The following SORBS2 variants were observed in gnomAD, a reference collection of about 807,000 sequenced individuals.
SORBS2 encodes sorbin and SH3 domain-containing protein 2.
SORBS2 carries 46 observed loss-of-function variants against 97.7 expected under a neutral mutation model. That is an observed-to-expected ratio of 0.47 (90% CI 0.37 to 0.60). SORBS2 has a LOEUF of 0.60. Among genes scored for constraint, SORBS2 ranks in the 20% least tolerant of loss-of-function variants. SORBS2 has a pLI of 0.00. For missense variants in SORBS2, 1,316 were observed against 1,282.3 expected (o/e 1.03, Z -0.40); for synonymous variants, 476 against 473.4 (o/e 1.01, Z -0.07).
chr4:185,848,376 C>T (rs1561231556), intron 1 of SORBS2, among the ~76,000 whole-genome samples: 1 of 152,078 alleles, frequency 6.6e-6, no homozygotes, highest in Non-Finnish European at 1.5e-5. Context: ...TCATGAAATC[C>T]TTTGTGACAC....
chr4:185,756,970 C>A, intron 2 of SORBS2: 1 of 1,455,770 alleles, frequency 6.9e-7, no homozygotes, highest in Non-Finnish European at 9.6e-7. Flanking sequence ...ATTAATTCAC[C>A]CGCTCGCTCC....
intron 2 of SORBS2, among the ~76,000 whole-genome samples, chr4:185,731,864 CTCTATATATATATATATATATA>C (rs1252172402): frequency 0.1 from 2,953 of 28,926 alleles, 67 homozygotes; most frequent in Non-Finnish European, 0.12. Flanking sequence ...CTCTCTCTCT[CTCTATATATATATATATATATA>C]TATATATATA....
rs751726496 is a variant in SORBS2, at chr4:185,684,865, T to C, written c.-197-6043A>G. The C allele has an allele frequency of 1.3e-6, 2 of 1,546,306 alleles. No individual in the cohort carries two copies. The highest frequency in any genetic ancestry group is 1.2e-5 in the South Asian group (1 of 83,904). ...CCGCTATCTGGAAGCAAAAAAATGA[T>C]ATAGCAGAGGCCAAGGCAACGGGAA... On this transcript the variant is annotated intron_variant, in intron 2 of 20. Coordinates refer to the SORBS2 transcript ENST00000284776. The surrounding 1 kb of genome is among the most constrained non-coding windows in gnomAD (Gnocchi z 4.2).
chr4:185,936,175 TG>T (rs1209861049), intron 1 of SORBS2, among the ~76,000 whole-genome samples: 1 of 152,210 alleles, frequency 6.6e-6, no homozygotes, highest in African/African-American at 2.4e-5. Context: ...AAGTTTTCAA[TG>T]AGGAGACACG....
intron 2 of SORBS2, among the ~76,000 whole-genome samples, chr4:185,723,172 C>T (rs2098529329): frequency 6.6e-6 from 1 of 152,066 alleles, no homozygotes; most frequent in Non-Finnish European, 1.5e-5. Context: ...ATCCCACAGC[C>T]ACTAAAAGCA....
At chr4:185,797,112 C>G (rs1584992330) in intron 1 of SORBS2, among the ~76,000 whole-genome samples, 2 of 152,366 alleles carry the variant, frequency 1.3e-5, no homozygotes, top group South Asian at 4.1e-4. Context: ...TTCCCTCACT[C>G]TATGCATCCC....
chr4:185,692,904 C>T (rs77062504), intron 2 of SORBS2, among the ~76,000 whole-genome samples: 8,090 of 152,234 alleles, frequency 0.053, 448 homozygotes, highest in East Asian at 0.22. Context: ...GGTAAAATCA[C>T]AGTACTGATA....
intron 2 of SORBS2, among the ~76,000 whole-genome samples, chr4:185,736,224 G>A (rs753042370): frequency 2.0e-5 from 3 of 152,240 alleles, no homozygotes; most frequent in Non-Finnish European, 2.9e-5. Flanking sequence ...AAACTTTGTG[G>A]TTTTGTCATC....
intron 12 of SORBS2, among the ~76,000 whole-genome samples, chr4:185,599,869 C>G (rs1165499471): frequency 6.6e-6 from 1 of 150,988 alleles, no homozygotes; most frequent in Non-Finnish European, 1.5e-5. Context: ...ACAGCAAAGA[C>G]AACTAAGGAA....
At chr4:185,888,725 A>G (rs1313896256) in intron 1 of SORBS2, among the ~76,000 whole-genome samples, 2 of 152,150 alleles carry the variant, frequency 1.3e-5, no homozygotes, top group Non-Finnish European at 2.9e-5. Context: ...TTAGCTTCAC[A>G]TGGTGTGGCC....
chr4:185,767,215 C>G (rs2098939073), intron 2 of SORBS2, among the ~76,000 whole-genome samples: 1 of 152,044 alleles, frequency 6.6e-6, no homozygotes, highest in Non-Finnish European at 1.5e-5. Flanking sequence ...AATGAAAGAG[C>G]TGGCCGGGCG....
intron 1 of SORBS2, among the ~76,000 whole-genome samples, chr4:185,826,371 A>T (rs962953074): frequency 2.0e-5 from 3 of 152,174 alleles, no homozygotes; most frequent in African/African-American, 7.2e-5. Context: ...CTGGTCTACG[A>T]TCACCACAAA....
intron 4 of SORBS2, among the ~76,000 whole-genome samples, chr4:185,667,357 C>T (rs973336609): frequency 3.3e-5 from 5 of 152,084 alleles, no homozygotes; most frequent in Non-Finnish European, 5.9e-5. Flanking sequence ...ATGTCATGCA[C>T]GTTGTTAGCA....
chr4:185,738,379 T>C (rs1277458790), intron 2 of SORBS2, among the ~76,000 whole-genome samples: 1 of 152,210 alleles, frequency 6.6e-6, no homozygotes, highest in Non-Finnish European at 1.5e-5. Flanking sequence ...GGAAGTGAAG[T>C]GTTGGGATTC....
rs1227154245 is a variant in SORBS2 at position 185,700,163 on chromosome 4, A to G, written c.-197-21341T>C. Among the ~76,000 whole-genome samples, 4 of 152,366 alleles carry G rather than the reference A, an allele frequency of 2.6e-5. No homozygotes were observed. In the South Asian group the frequency reaches 8.3e-4, roughly 32 times the overall value. ...AGAGACTGGCTTTTCAAAAATTTAT[A>G]TGGAATAAGTCTAAGGGCTTTAATG... is the stretch of plus-strand genomic sequence containing the variant. On this transcript the variant is annotated intron_variant, in intron 2 of 20. Coordinates refer to the SORBS2 transcript ENST00000284776.
chr4:185,857,447 C>T (rs1196677280), intron 1 of SORBS2, among the ~76,000 whole-genome samples: 1 of 152,118 alleles, frequency 6.6e-6, no homozygotes. Flanking sequence ...GTTTGTAAAA[C>T]ATGTGTGTTT....
intron 1 of SORBS2, among the ~76,000 whole-genome samples, chr4:185,927,828 A>AAG (rs1486418540): frequency 2.0e-5 from 3 of 152,182 alleles, no homozygotes; most frequent in African/African-American, 7.2e-5. Flanking sequence ...AAGCCCTTAT[A>AAG]GGTACTGTTG....
At chr4:185,853,373 T>G (rs1468945920) in intron 1 of SORBS2, among the ~76,000 whole-genome samples, 2 of 152,204 alleles carry the variant, frequency 1.3e-5, no homozygotes, top group Admixed American at 6.5e-5. Flanking sequence ...TGAGGTATTC[T>G]TTAAGGCATG....
chr4:185,911,621 A>G (rs1308141440), intron 1 of SORBS2, among the ~76,000 whole-genome samples: 1 of 152,144 alleles, frequency 6.6e-6, no homozygotes, highest in East Asian at 1.9e-4. Context: ...CTAAGTCGGG[A>G]TGTATCTCAA....
Sources: allele counts gnomAD v4.1 joint callset (sites outside exome capture counted in the v4.1 genomes callset), GRCh38; gene constraint gnomAD v4.1.1; non-coding constraint Gnocchi (gnomAD v3.1); transcripts MANE v1.5; gene names NCBI Gene and HGNC (gene_info 2026-07-23, HGNC 2026-07-21).